POLR3C: variants seen among roughly 807,000 people sequenced by gnomAD.
The protein encoded by POLR3C is DNA-directed RNA polymerase III subunit RPC3.
Under a neutral mutation model 65.9 loss-of-function variants are expected in POLR3C, and 44 were observed. That is an observed-to-expected ratio of 0.67 (90% confidence interval 0.52 to 0.86). The LOEUF is 0.86. POLR3C is among the 40% of genes least tolerant of loss of function. POLR3C has a pLI of 0.00. For missense variants in POLR3C, 576 were observed against 653.2 expected, an observed-to-expected ratio of 0.88 and a Z score of 1.29; for synonymous variants, 263 against 231.6, an observed-to-expected ratio of 1.14 and a Z score of -1.23.
At chr1:145,837,510 G>A in intron 9 of POLR3C, 26 bp from the exon 10 acceptor site, 3 of 1,373,602 alleles carry the variant, frequency 2.2e-6, no homozygotes, top group Non-Finnish European at 2.0e-6. Flanking sequence ...AAACATTACT[G>A]AGTGACCTTA....
chr1:145,842,508 A>C lies in POLR3C; in HGVS notation c.*88A>C, dbSNP rs955336464. On this transcript the variant is annotated 3_prime_UTR_variant, in exon 15 of 15. Transcript: ENST00000334163. ...TGGATGCATTATTTGCAGTGGGATAAGTCGCAGAGTCTTCAACTAAACCCC... is the reference window on the plus strand; with the variant it reads ...TGGATGCATTATTTGCAGTGGGATACGTCGCAGAGTCTTCAACTAAACCCC... 5.7e-6 allele frequency: 5 copies of C among 870,182 alleles called. No individual in the cohort carries two copies. Among genetic ancestry groups the C allele is most frequent in the Non-Finnish European group, 9.8e-6 (5 of 511,852 alleles). 53.9% of individuals were successfully genotyped at this position (870,182 alleles called of 1,614,324 possible). A position where few individuals can be genotyped will look rare whatever the true frequency, so the allele number is the denominator to read the frequency against.
chr1:145,824,947 C>A (rs2101626184), intron 1 of POLR3C, among the ~76,000 whole-genome samples: 1 of 152,252 alleles, frequency 6.6e-6, no homozygotes, highest in Admixed American at 6.5e-5. Flanking sequence ...AAAATCATCT[C>A]CCAATCTTTA....
Position 145,824,213 on chromosome 1 carries a change from C to G in POLR3C, c.-177C>G. 3.3e-6 allele frequency: 1 copy of G among 303,838 alleles called. No individual in the cohort carries two copies. Among genetic ancestry groups the G allele is most frequent in the Non-Finnish European group, 6.2e-6 (1 of 160,150 alleles). The allele number at this position is 303,838 out of a possible 1,614,324, so 18.8% of individuals were successfully genotyped here. Reference sequence around the variant, plus strand: ...AAACTCTGGGGTAGAGTGGCACGCGCTTTTTGCTTTTCCGCGTCTTCTTCG... The same window carrying G: ...AAACTCTGGGGTAGAGTGGCACGCGGTTTTTGCTTTTCCGCGTCTTCTTCG... On this transcript the variant is annotated 5_prime_UTR_variant, in exon 1 of 15. Transcript: ENST00000334163.
At position 145,843,402 on chromosome 1, in the gene POLR3C, T is replaced by A. The variant is rs1652436489; in HGVS notation, c.*982T>A. 6.6e-6 allele frequency among the ~76,000 whole-genome samples: 1 copy of A among 152,206 alleles called. No homozygotes were observed. Among genetic ancestry groups the A allele is most frequent in the Non-Finnish European group, 1.5e-5 (1 of 68,040 alleles). ...GTTTTATAATATCTTCAGTTTTCTC[T>A]CACCAATGTGTTTTCTAATTGTTTA... On this transcript the variant is annotated 3_prime_UTR_variant, in exon 15 of 15. Transcript: ENST00000334163.
In POLR3C at chr1:145,837,586, G is replaced by T; in HGVS notation, c.1060G>T (p.Val354Leu). Residue 354 changes from valine (V) to leucine (L), a missense_variant, in exon 10 of 15, where the codon GTA (valine) becomes TTA (leucine). Physicochemically the swap from Val to Leu is conservative, Grantham distance 32. Transcript: ENST00000334163. ...SLATATLESV[V>L]QERFGSRCAR... ...AGCCACAGCCACTCTGGAGTCCGTC[G>T]TACAGGAGAGGTAAGGGGGACACTG... 4.4e-6 allele frequency: 7 copies of T among 1,605,438 alleles called. No individual in the cohort carries two copies. The highest frequency in any genetic ancestry group is 6.0e-6 in the Non-Finnish European group (7 of 1,173,178).
chr1:145,837,355 A>T (rs1198287196), intron 9 of POLR3C, among the ~76,000 whole-genome samples, 181 bp from the exon 10 acceptor site: 1 of 152,240 alleles, frequency 6.6e-6, no homozygotes, highest in Non-Finnish European at 1.5e-5. Context: ...CAAAACCCTT[A>T]CTTAAACACT....
intron 5 of POLR3C, among the ~76,000 whole-genome samples, chr1:145,830,345 A>C: frequency 6.6e-6 from 1 of 152,234 alleles, no homozygotes. Context: ...CTATTGTAGT[A>C]ATCCAGATGG....
chr1:145,829,668 T>C (rs1651125167), intron 5 of POLR3C, among the ~76,000 whole-genome samples: 1 of 152,222 alleles, frequency 6.6e-6, no homozygotes, highest in Admixed American at 6.5e-5. Context: ...GACAGGGCTC[T>C]TCAACCTCAC....
In POLR3C at chr1:145,824,340, T is replaced by C; in HGVS notation, c.-50T>C. 3.2e-6 allele frequency: 1 copy of C among 315,678 alleles called. No homozygotes were observed. Among genetic ancestry groups the C allele is most frequent in the Non-Finnish European group, 6.3e-6 (1 of 159,300 alleles). The allele number at this position is 315,678 out of a possible 1,614,324, so 19.6% of individuals were successfully genotyped here. On this transcript the variant is annotated 5_prime_UTR_variant, in exon 1 of 15. Transcript: ENST00000334163. ...CGCGGGAAGCTCAGCCGAATTGGAG[T>C]TGGAGCCCCCGGATTGCGCTGACCC...
chr1:145,841,110 CA>C (rs782071054), intron 14 of POLR3C, 39 bp downstream of exon 14: 34 of 1,586,092 alleles, frequency 2.1e-5, no homozygotes, highest in Non-Finnish European at 2.7e-5. Flanking sequence ...TTCAGAATAC[CA>C]TCCAGAAAAT....
chr1:145,843,058 C>T lies in POLR3C; in HGVS notation c.*638C>T, dbSNP rs781889587. On this transcript the variant is annotated 3_prime_UTR_variant, in exon 15 of 15. Coordinates refer to ENST00000334163, the MANE Select transcript of POLR3C (RefSeq NM_006468.8). ...CAGGCTGATGAACTGTAATTTTTAACACACACAGTGTAGGGAATGTGAAAG... is the reference window on the plus strand; with the variant it reads ...CAGGCTGATGAACTGTAATTTTTAATACACACAGTGTAGGGAATGTGAAAG... Among the ~76,000 whole-genome samples the T allele has an allele frequency of 1.1e-4, 17 of 152,082 alleles. No individual in the cohort carries two copies. The highest frequency in any genetic ancestry group is 3.4e-3 in the Middle Eastern group (1 of 294).
rs1650784112 is a variant in POLR3C, at chr1:145,826,709, GGTCA to G, written c.403+3_403+6del. ...AGACCGGCTCACAGAGACCATGGAGGGTCAGTATGGTATCCATAGCTGTTAACAA... is the reference window on the plus strand; with the variant it reads ...AGACCGGCTCACAGAGACCATGGAGGGTATGGTATCCATAGCTGTTAACAA... On this transcript the variant is annotated splice_donor_variant and splice_donor_region_variant and intron_variant, in intron 3 of 14. Transcript: ENST00000334163. LOFTEE classifies it high-confidence loss of function. 6.2e-7 allele frequency: 1 copy of G among 1,613,928 alleles called. No individual in the cohort carries two copies. Among genetic ancestry groups the G allele is most frequent in the African/African-American group, 1.3e-5 (1 of 74,882 alleles).
In POLR3C at chr1:145,836,591, T is replaced by G. The variant is rs1651868161; in HGVS notation, c.957+17T>G. On this transcript the variant is annotated intron_variant, in intron 8 of 14. Transcript: ENST00000334163. ...GATGATCCAGTAAGTCTGTTTTTGC[T>G]TTTTTTCTTTTTTCTTTAGCCTGTA... 6.8e-7 allele frequency: 1 copy of G among 1,478,532 alleles called. No homozygotes were observed. The highest frequency in any genetic ancestry group is 1.4e-5 in the African/African-American group (1 of 72,226). 91.6% of individuals were successfully genotyped at this position (1,478,532 alleles called of 1,614,324 possible).
At chr1:145,837,236 G>A (rs1553728980) in intron 9 of POLR3C, among the ~76,000 whole-genome samples, 1 of 152,162 alleles carries the variant, frequency 6.6e-6, no homozygotes, top group East Asian at 1.9e-4. Flanking sequence ...GAGCCCAGGA[G>A]ACAGACGTTG....
At chr1:145,841,581 T>C (rs1352064198) in intron 14 of POLR3C, among the ~76,000 whole-genome samples, 1 of 152,226 alleles carries the variant, frequency 6.6e-6, no homozygotes, top group Non-Finnish European at 1.5e-5. Context: ...GATACTAGTT[T>C]AGTGGTCGCT....
chr1:145,840,433 G>A lies in POLR3C; in HGVS notation c.1373+268G>A, dbSNP rs147556483. 3,493 of 399,980 alleles carry A rather than the reference G, an allele frequency of 8.7e-3. 159 individuals carry two copies. The Admixed American group carries it at 0.096, about 11-fold the overall frequency. The allele number at this position is 399,980 out of a possible 1,614,324, so 24.8% of individuals were successfully genotyped here. A position where few individuals can be genotyped will look rare whatever the true frequency, so the allele number is the denominator to read the frequency against. Reference sequence around the variant, plus strand: ...CGGGCACCTATAGTCCCAGCTACTCGGGAGGCTAAGGCAGGAGAATCACTT... The same window carrying A: ...CGGGCACCTATAGTCCCAGCTACTCAGGAGGCTAAGGCAGGAGAATCACTT... On this transcript the variant is annotated intron_variant, in intron 13 of 14. Transcript: ENST00000334163.
chr1:145,826,362 T>A, intron 2 of POLR3C, 92 bp from the exon 3 acceptor site: 1 of 1,055,652 alleles, frequency 9.5e-7, no homozygotes, highest in Non-Finnish European at 1.4e-6. Context: ...CATTTTCTGA[T>A]GCTTACTAAG....
At position 145,842,513 on chromosome 1, in the gene POLR3C, CAG is replaced by C. The variant is rs1476031212; in HGVS notation, c.*96_*97del. ...GCATTATTTGCAGTGGGATAAGTCGCAGAGTCTTCAACTAAACCCCCCTCTCT... is the reference window on the plus strand; with the variant it reads ...GCATTATTTGCAGTGGGATAAGTCGCAGTCTTCAACTAAACCCCCCTCTCT... On this transcript the variant is annotated 3_prime_UTR_variant, in exon 15 of 15. Transcript: ENST00000334163. The C allele has an allele frequency of 1.2e-6, 1 of 855,138 alleles. No homozygotes were observed. Among genetic ancestry groups the C allele is most frequent in the Non-Finnish European group, 2.0e-6 (1 of 499,934 alleles). 53.0% of individuals were successfully genotyped at this position (855,138 alleles called of 1,614,324 possible).
In POLR3C at chr1:145,839,991, G is replaced by GGT. The variant is rs782550066; in HGVS notation, c.1323+1_1323+2dup. The GGT allele has an allele frequency of 1.3e-6, 2 of 1,592,938 alleles. No homozygotes were observed. Among genetic ancestry groups the GGT allele is most frequent in the Admixed American group, 3.3e-5 (2 of 59,978 alleles). ...GAATGTTGTTGCACAGGTGCTACAA[G>GGT]GTAACTCAATCTGGACCTTCTCCCC... On this transcript the variant is annotated frameshift_variant and splice_region_variant. Transcript: ENST00000334163. LOFTEE classifies it high-confidence loss of function.
Sources: gnomAD v4.1 joint callset for allele counts (sites outside exome capture counted in the v4.1 genomes callset) on GRCh38, gnomAD v4.1.1 for gene constraint, MANE v1.5 for transcripts, NCBI Gene and HGNC (gene_info 2026-07-23, HGNC 2026-07-21) for gene names.